Variants in DCLK2 observed in about 807,000 individuals in gnomAD.
DCLK2 encodes the protein serine/threonine-protein kinase DCLK2.
DCLK2 carries 31 observed loss-of-function variants against 78.4 expected under a neutral mutation model. The observed-to-expected ratio is 0.40, with a 90% CI of 0.30 to 0.53. The LOEUF (loss-of-function observed/expected upper bound fraction) is 0.53, where lower values mean the gene tolerates loss of function less well. Ranked by LOEUF, DCLK2 falls within the 20% of genes least tolerant of loss-of-function variation. The pLI, the probability that DCLK2 is intolerant of heterozygous loss-of-function variation, is 0.61. For synonymous variants in DCLK2, 407 were observed against 374.9 expected (o/e 1.09, Z -0.99); for missense variants, 872 against 973.7 (o/e 0.90, Z 1.39).
chr4:150,232,235 G>C, intron 8 of DCLK2, 102 bp from the exon 9 acceptor site: 1 of 1,414,214 alleles, frequency 7.1e-7, no homozygotes, highest in Non-Finnish European at 9.6e-7. Flanking sequence ...GCTTTCTTTG[G>C]CATCAGATCC....
At chr4:150,088,671 A>T (rs1729820805) in intron 1 of DCLK2, among the ~76,000 whole-genome samples, 1 of 152,188 alleles carries the variant, frequency 6.6e-6, no homozygotes, top group South Asian at 2.1e-4. Context: ...AAAATCCAAA[A>T]TGCTTGAAAA....
chr4:150,239,803 T>A lies in DCLK2; in HGVS notation c.1628T>A (p.Val543Glu). 1 of 1,614,168 alleles carries A rather than the reference T, an allele frequency of 6.2e-7. No homozygotes were observed. Among genetic ancestry groups the A allele is most frequent in the Non-Finnish European group, 8.5e-7 (1 of 1,180,014 alleles). Reference protein sequence around the residue: ...LKLGDFGLATVVEGPLYTVCG... With the variant: ...LKLGDFGLATEVEGPLYTVCG... ...CTGGGAGACTTTGGGCTTGCGACTG[T>A]GGTAGAAGGCCCTTTATACACAGTC... Residue 543 changes from valine (V) to glutamate (E), a missense_variant, in exon 11 of 16, where the codon GTG (valine) becomes GAG (glutamate). This residue lies in a region of DCLK2 where 86 missense variants were observed against 150.3 expected (regional missense o/e 0.57). Transcript: ENST00000296550.
chr4:150,154,110 A>G (rs1311589460), intron 2 of DCLK2, among the ~76,000 whole-genome samples: 2 of 152,206 alleles, frequency 1.3e-5, no homozygotes, highest in African/African-American at 4.8e-5. Context: ...TTGTTCTGTT[A>G]TCAGAAAAGT....
intron 2 of DCLK2, among the ~76,000 whole-genome samples, chr4:150,170,585 A>G (rs28367564): frequency 0.033 from 5,014 of 152,252 alleles, 260 homozygotes; most frequent in African/African-American, 0.11. Context: ...CATAGAAGAT[A>G]TTCCCTCTGA....
At chr4:150,237,585 T>C (rs1440911095) in intron 10 of DCLK2, among the ~76,000 whole-genome samples, 1 of 152,146 alleles carries the variant, frequency 6.6e-6, no homozygotes, top group Non-Finnish European at 1.5e-5. Context: ...TTCAGTGCCG[T>C]CCTCTTTAAA....
At chr4:150,238,636 C>G (rs1204112684) in intron 10 of DCLK2, among the ~76,000 whole-genome samples, 1 of 152,166 alleles carries the variant, frequency 6.6e-6, no homozygotes, top group South Asian at 2.1e-4. Flanking sequence ...TATTTTTTTA[C>G]TTTTTATTTT....
intron 2 of DCLK2, among the ~76,000 whole-genome samples, chr4:150,120,527 T>A (rs758433205): frequency 2.0e-5 from 3 of 152,208 alleles, no homozygotes; most frequent in Non-Finnish European, 2.9e-5. Flanking sequence ...AAAAATTGCT[T>A]GTTGGAGAAA....
chr4:150,101,674 A>G (rs1560772617), intron 1 of DCLK2, among the ~76,000 whole-genome samples: 1 of 152,186 alleles, frequency 6.6e-6, no homozygotes, highest in Non-Finnish European at 1.5e-5. Flanking sequence ...GGAACTTAAA[A>G]TATCAGTAAA....
chr4:150,124,337 C>CT, intron 2 of DCLK2, among the ~76,000 whole-genome samples: 1 of 151,866 alleles, frequency 6.6e-6, no homozygotes, highest in Admixed American at 6.6e-5. Flanking sequence ...TTAAAATTTT[C>CT]TTTTTTTGTT....
At chr4:150,082,777 T>C (rs1729395250) in intron 1 of DCLK2, among the ~76,000 whole-genome samples, 1 of 152,218 alleles carries the variant, frequency 6.6e-6, no homozygotes, top group South Asian at 2.1e-4. Context: ...GTTCTTTAGC[T>C]TTCTTATTAG....
chr4:150,194,022 GACAC>G (rs58179559), intron 3 of DCLK2, among the ~76,000 whole-genome samples: 11,419 of 133,540 alleles, frequency 0.086, 526 homozygotes, highest in Non-Finnish European at 0.094. Flanking sequence ...AAAGTGCTGG[GACAC>G]ACACACACAC....
chr4:150,235,350 G>T (rs1262106158), intron 10 of DCLK2, among the ~76,000 whole-genome samples: 1 of 152,296 alleles, frequency 6.6e-6, no homozygotes, highest in Non-Finnish European at 1.5e-5. Context: ...TTCTTCAGGA[G>T]AATTGGCTAA....
At chr4:150,253,312 A>G (rs1744322742) in intron 15 of DCLK2, 2 of 691,824 alleles carry the variant, frequency 2.9e-6, no homozygotes, top group South Asian at 2.8e-5. Flanking sequence ...TTGAATCATC[A>G]GATAACTTAC....
intron 2 of DCLK2, among the ~76,000 whole-genome samples, chr4:150,142,241 G>A (rs1365682606): frequency 6.6e-6 from 1 of 152,012 alleles, no homozygotes; most frequent in Non-Finnish European, 1.5e-5. Flanking sequence ...GTTTTCAGGA[G>A]CACATCTGTC....
At chr4:150,196,259 A>G (rs1329414984) in intron 3 of DCLK2, among the ~76,000 whole-genome samples, 1 of 152,300 alleles carries the variant, frequency 6.6e-6, no homozygotes, top group East Asian at 1.9e-4. Context: ...CCTAGGATAT[A>G]GTTCTGCAGT....
At chr4:150,247,788 TC>T in intron 13 of DCLK2, 89 bp downstream of exon 13, 1 of 979,066 alleles carries the variant, frequency 1.0e-6, no homozygotes, top group Non-Finnish European at 1.5e-6. Flanking sequence ...GGTATTGCAT[TC>T]CAGAAAGCTC....
chr4:150,120,721 C>G (rs1732468671), intron 2 of DCLK2, among the ~76,000 whole-genome samples: 1 of 152,154 alleles, frequency 6.6e-6, no homozygotes, highest in South Asian at 2.1e-4. Context: ...ATACTGTAGC[C>G]TGTTAAGTGT....
chr4:150,253,936 T>A, intron 15 of DCLK2: 1 of 978,896 alleles, frequency 1.0e-6, no homozygotes, highest in Non-Finnish European at 1.2e-6. Context: ...TTTGTATCAG[T>A]AAGTGTAATC....
intron 2 of DCLK2, among the ~76,000 whole-genome samples, chr4:150,149,651 T>C (rs1283280066): frequency 1.3e-5 from 2 of 152,340 alleles, no homozygotes; most frequent in African/African-American, 2.4e-5. Context: ...CTTAAGGTCA[T>C]TTGGCAGACG....
Sources: gnomAD v4.1 joint callset for allele counts (sites outside exome capture counted in the v4.1 genomes callset) on GRCh38, gnomAD v4.1.1 for gene constraint, gnomAD v4.1.1 regional missense constraint, MANE v1.5 for transcripts, NCBI Gene and HGNC (gene_info 2026-07-23, HGNC 2026-07-21) for gene names.